PHF24: variants seen among roughly 807,000 people sequenced by gnomAD.
The protein encoded by PHF24 is PHD finger protein 24.
PHF24 carries 25 observed loss-of-function variants against 42.6 expected under a neutral mutation model. That is an observed-to-expected ratio of 0.59 (90% CI 0.43 to 0.82). PHF24 has a LOEUF of 0.82. Among genes scored for constraint, PHF24 ranks in the 40% least tolerant of loss-of-function variants. The pLI is 0.00. For missense variants in PHF24, 470 were observed against 538.1 expected (o/e 0.87, Z 1.25); for synonymous variants, 185 against 204.8 (o/e 0.90, Z 0.83).
At chr9:34,836,271 C>G in the PHF24 span, among the ~76,000 whole-genome samples, 3 of 152,152 alleles carry the variant, frequency 2.0e-5, no homozygotes, top group African/African-American at 7.2e-5. Flanking sequence ...TCAGACAACC[C>G]ACAGAAGGGC....
At chr9:34,710,741 T>C in the PHF24 span, among the ~76,000 whole-genome samples, 2 of 152,174 alleles carry the variant, frequency 1.3e-5, no homozygotes, top group Admixed American at 1.3e-4. Context: ...CTTGAGGAGC[T>C]GGGACCACAG....
At chr9:34,963,812 G>C (rs1826678800) in intron 1 of PHF24, among the ~76,000 whole-genome samples, 1 of 152,226 alleles carries the variant, frequency 6.6e-6, no homozygotes, top group Admixed American at 6.5e-5. Context: ...TTGGGAAGTA[G>C]AGTAGATGTG....
the PHF24 span, among the ~76,000 whole-genome samples, chr9:34,718,044 CT>C: frequency 6.6e-6 from 1 of 152,184 alleles, no homozygotes; most frequent in African/African-American, 2.4e-5. Context: ...TCCACCTCCC[CT>C]GACATACCCC....
the PHF24 span, among the ~76,000 whole-genome samples, chr9:34,798,730 C>T: frequency 6.6e-6 from 1 of 152,276 alleles, no homozygotes; most frequent in Non-Finnish European, 1.5e-5. Context: ...GGTATATACC[C>T]AGTAATGGGA....
At chr9:34,691,189 C>T in the PHF24 span, 1 of 1,575,548 alleles carries the variant, frequency 6.3e-7, no homozygotes, top group East Asian at 2.2e-5. Flanking sequence ...CGCCAGCTGT[C>T]TGGGTGTGTG....
At chr9:34,832,274 A>C in the PHF24 span, 3 of 544,014 alleles carry the variant, frequency 5.5e-6, no homozygotes, top group Non-Finnish European at 9.9e-6. Flanking sequence ...CAATGTTTCT[A>C]TCTGAACTGA....
At chr9:34,677,272 C>A in the PHF24 span, among the ~76,000 whole-genome samples, 6 of 152,154 alleles carry the variant, frequency 3.9e-5, no homozygotes, top group Non-Finnish European at 8.8e-5. Context: ...ATTCCAACTG[C>A]CACCACCTAG....
the PHF24 span, among the ~76,000 whole-genome samples, chr9:34,886,746 A>ATCTGTCTGTCTGTCTGTCTG: frequency 7.6e-4 from 91 of 119,992 alleles, 2 homozygotes; most frequent in East Asian, 0.01. Context: ...ATATCTATCT[A>ATCTGTCTGTCTGTCTGTCTG]TCTATCTATC....
chr9:34,816,346 T>C, the PHF24 span, among the ~76,000 whole-genome samples: 13 of 152,234 alleles, frequency 8.5e-5, no homozygotes, highest in Admixed American at 7.2e-4. Flanking sequence ...TTGTTCTACC[T>C]ATTTACTGCT....
chr9:34,738,454 G>A, the PHF24 span, among the ~76,000 whole-genome samples: 3 of 151,980 alleles, frequency 2.0e-5, no homozygotes, highest in East Asian at 1.9e-4. Context: ...GGGTTTGAGC[G>A]ACTCTCCTGC....
the PHF24 span, among the ~76,000 whole-genome samples, chr9:34,756,371 T>C: frequency 6.6e-6 from 1 of 152,308 alleles, no homozygotes; most frequent in East Asian, 1.9e-4. Flanking sequence ...AGTGCTGGGA[T>C]TACAGGTGTG....
chr9:34,765,070 T>G, the PHF24 span, among the ~76,000 whole-genome samples: 1 of 151,992 alleles, frequency 6.6e-6, no homozygotes, highest in Non-Finnish European at 1.5e-5. Flanking sequence ...AGAGACAGTT[T>G]GTTATAATTT....
the PHF24 span, among the ~76,000 whole-genome samples, chr9:34,667,701 T>A: frequency 6.6e-6 from 1 of 152,268 alleles, no homozygotes; most frequent in South Asian, 2.1e-4. Context: ...AGGGCCAGGC[T>A]TTCCTTGGCA....
chr9:34,957,860 G>A (rs1335355894), upstream of PHF24, among the ~76,000 whole-genome samples: 3 of 151,598 alleles, frequency 2.0e-5, no homozygotes, highest in African/African-American at 4.8e-5. Flanking sequence ...GAACGCGAGC[G>A]GTGAGCGGCC....
At chr9:34,682,043 C>A in the PHF24 span, among the ~76,000 whole-genome samples, 2 of 12,842 alleles carry the variant, frequency 1.6e-4, no homozygotes, top group African/African-American at 4.3e-4. Context: ...GTCATGGTCA[C>A]GGCTCACTGC....
rs1459997437 is a variant in PHF24 at position 34,958,670 on chromosome 9, G to T, written c.-5+269G>T. ...ATTTGCTGCCATAGGGAGCCCCAGC[G>T]TGGAGGGGACTGGCCCCAGAGAGCC... is the stretch of plus-strand genomic sequence containing the variant. On this transcript the variant is annotated intron_variant, in intron 1 of 7. Coordinates refer to ENST00000242315, the Ensembl canonical transcript of PHF24. This position sits in a 1 kb window ranked among gnomAD's most constrained non-coding sequence, Gnocchi z 4.5. Among the ~76,000 whole-genome samples the T allele has an allele frequency of 6.6e-6, 1 of 152,190 alleles. No homozygotes were observed. Among genetic ancestry groups the T allele is most frequent in the African/African-American group, 2.4e-5 (1 of 41,454 alleles).
the PHF24 span, among the ~76,000 whole-genome samples, chr9:34,787,784 C>A: frequency 6.6e-6 from 1 of 152,148 alleles, no homozygotes; most frequent in African/African-American, 2.4e-5. Context: ...TCCATTTACT[C>A]CTCAACCCAC....
the PHF24 span, among the ~76,000 whole-genome samples, chr9:34,722,143 A>G: frequency 6.6e-6 from 1 of 152,180 alleles, no homozygotes; most frequent in African/African-American, 2.4e-5. Flanking sequence ...TTCTGTGTTG[A>G]GGATAAACTG....
intron 1 of PHF24, among the ~76,000 whole-genome samples, chr9:34,965,978 T>C (rs2132874805): frequency 6.6e-6 from 1 of 152,344 alleles, no homozygotes; most frequent in Middle Eastern, 3.4e-3. Context: ...GTCTCTTGAC[T>C]GTTCCCTAAA....
Sources: allele counts gnomAD v4.1 joint callset (sites outside exome capture counted in the v4.1 genomes callset), GRCh38; gene constraint gnomAD v4.1.1; non-coding constraint Gnocchi (gnomAD v3.1); transcripts MANE v1.5; gene names NCBI Gene and HGNC (gene_info 2026-07-23, HGNC 2026-07-21).